Variants in DNAH14 observed in about 807,000 individuals in gnomAD.
DNAH14 encodes dynein axonemal heavy chain 14.
In DNAH14, 478 loss-of-function variants were observed where a neutral mutation model predicts 520.9. That is an observed-to-expected ratio of 0.92 (90% confidence interval 0.85 to 0.99). DNAH14 has a LOEUF of 0.99. DNAH14 is among the 50% of genes least tolerant of loss of function. The pLI, the probability that DNAH14 is intolerant of heterozygous loss-of-function variation, is 0.00. For missense variants in DNAH14, 4,831 were observed against 5,234.5 expected (o/e 0.92, Z 2.38); for synonymous variants, 1,581 against 1,757.2 (o/e 0.90, Z 2.51).
At chr1:225,043,668 A>G in intron 13 of DNAH14, 76 bp from the exon 14 acceptor site, 2 of 1,071,074 alleles carry the variant, frequency 1.9e-6, no homozygotes, top group Non-Finnish European at 2.7e-6. Context: ...GCACTGGCAT[A>G]TATTAATTTG....
At chr1:225,310,498 T>C (rs556973708) in intron 60 of DNAH14, among the ~76,000 whole-genome samples, 34 of 152,216 alleles carry the variant, frequency 2.2e-4, no homozygotes, top group Non-Finnish European at 4.0e-4. Flanking sequence ...GTGCAGAATG[T>C]GCAAGTTTGT....
chr1:225,332,743 C>T (rs7531480), intron 65 of DNAH14, among the ~76,000 whole-genome samples: 16,826 of 151,124 alleles, frequency 0.11, 1,115 homozygotes, highest in East Asian at 0.26. Flanking sequence ...GTCTGTAATC[C>T]CAGCTCTTTG....
chr1:225,385,318 C>T (rs1333123254), intron 81 of DNAH14, among the ~76,000 whole-genome samples: 2 of 152,170 alleles, frequency 1.3e-5, no homozygotes, highest in Non-Finnish European at 2.9e-5. Flanking sequence ...AAAACTGGCA[C>T]AAGACAGGGA....
intron 17 of DNAH14, among the ~76,000 whole-genome samples, chr1:225,078,837 TCTCTCC>T (rs1374297544): frequency 7.0e-5 from 6 of 86,046 alleles, no homozygotes; most frequent in South Asian, 4.5e-4. Context: ...TCTCTCTCTC[TCTCTCC>T]CTCTCTCTCT....
At chr1:224,982,164 A>G (rs2062320997) in intron 8 of DNAH14, among the ~76,000 whole-genome samples, 1 of 152,196 alleles carries the variant, frequency 6.6e-6, no homozygotes, top group Admixed American at 6.5e-5. Flanking sequence ...CATTCCTAGA[A>G]CTACTCTCTT....
intron 11 of DNAH14, among the ~76,000 whole-genome samples, chr1:225,025,564 T>A (rs900290670): frequency 1.3e-5 from 2 of 150,788 alleles, no homozygotes; most frequent in African/African-American, 4.9e-5. Flanking sequence ...AAACCCCATC[T>A]CTACAAAAAC....
intron 74 of DNAH14, among the ~76,000 whole-genome samples, chr1:225,360,049 C>G (rs1319924905): frequency 6.6e-6 from 1 of 152,196 alleles, no homozygotes; most frequent in East Asian, 1.9e-4. Context: ...CCACGTTTGT[C>G]CATGTGTTCT....
intron 23 of DNAH14, 75 bp downstream of exon 23, chr1:225,100,959 G>T (rs1226426151): frequency 3.0e-5 from 36 of 1,213,290 alleles, no homozygotes; most frequent in Admixed American, 7.1e-5. Context: ...GTAATCTACT[G>T]CAGAAGCTAA....
chr1:225,008,842 G>T (rs759907708), intron 10 of DNAH14, among the ~76,000 whole-genome samples: 2 of 151,610 alleles, frequency 1.3e-5, no homozygotes, highest in African/African-American at 2.4e-5. Flanking sequence ...TCATATGTTT[G>T]TTGGCCACAT....
rs538962474 is a variant in DNAH14, at chr1:225,308,370, T to C, written c.9200T>C (p.Ile3067Thr). Residue 3067 changes from isoleucine (I) to threonine (T), a missense_variant, in exon 60 of 86, where the codon ATT becomes ACT. By Grantham distance (89) the Ile-to-Thr change is moderately conservative. Transcript: ENST00000682510. The stretch of plus-strand genomic sequence containing the variant: ...ATGCTTGTTAAACAGGATGAAGAAA[T>C]TGTGGCAGAAGAAGTAAGAATTGTG... ...VQMLVKQDEE[I>T]VAEEVRIVED... 14 of 1,541,970 alleles carry C rather than the reference T, an allele frequency of 9.1e-6. No individual in the cohort carries two copies. The highest frequency in any genetic ancestry group is 3.4e-4 in the Middle Eastern group (2 of 5,964).
At chr1:225,116,021 GT>G (rs1470415904) in intron 23 of DNAH14, among the ~76,000 whole-genome samples, 2 of 152,194 alleles carry the variant, frequency 1.3e-5, no homozygotes, top group African/African-American at 4.8e-5. Flanking sequence ...AAATGTAGGT[GT>G]TAAATAGATA....
chr1:225,030,904 T>C (rs1406103526), intron 11 of DNAH14, among the ~76,000 whole-genome samples: 1 of 152,026 alleles, frequency 6.6e-6, no homozygotes, highest in Non-Finnish European at 1.5e-5. Flanking sequence ...CTAGCAGATT[T>C]ATTCAAAAGG....
rs768741235 is a variant in DNAH14, at chr1:225,051,081, G to T, written c.2080-370G>T. ...TGTGGCATAGTTCCTAACAGGCCGT[G>T]GACTGGCACTGCTCTCTGGCCTGGG... is the stretch of plus-strand genomic sequence containing the variant. On this transcript the variant is annotated intron_variant, in intron 16 of 85. Transcript: ENST00000682510. Among the ~76,000 whole-genome samples the T allele has an allele frequency of 2.0e-5, 3 of 152,152 alleles. No individual in the cohort carries two copies. In the South Asian group the frequency reaches 6.2e-4, roughly 32 times the overall value.
chr1:225,200,930 G>A (rs778076039), intron 38 of DNAH14, among the ~76,000 whole-genome samples: 134 of 151,928 alleles, frequency 8.8e-4, no homozygotes, highest in Non-Finnish European at 1.6e-3. Flanking sequence ...AGTTTTCCTC[G>A]ATTATTCCCC....
intron 54 of DNAH14, among the ~76,000 whole-genome samples, chr1:225,285,939 G>C: frequency 6.6e-6 from 1 of 152,188 alleles, no homozygotes; most frequent in East Asian, 1.9e-4. Flanking sequence ...TCCTCTATCT[G>C]TTCTTCTGTT....
At chr1:225,274,048 A>C (rs2093388510) in intron 52 of DNAH14, among the ~76,000 whole-genome samples, 1 of 152,100 alleles carries the variant, frequency 6.6e-6, no homozygotes, top group Non-Finnish European at 1.5e-5. Context: ...ATATATACCC[A>C]CTAATGGGAT....
intron 17 of DNAH14, among the ~76,000 whole-genome samples, chr1:225,073,132 A>G (rs1042208308): frequency 3.9e-5 from 6 of 152,168 alleles, no homozygotes; most frequent in African/African-American, 1.4e-4. Flanking sequence ...CAGTGGTGGT[A>G]GCCAGAGACC....
chr1:224,999,612 A>AT lies in DNAH14; in HGVS notation c.831-3163dup, dbSNP rs199934038. On this transcript the variant is annotated intron_variant, in intron 8 of 85. Transcript: ENST00000682510. Reference sequence around the variant, plus strand: ...TTATATGGGCTTTAAGTTGTAAGCCATTTTTTTTATTCTGTTCGTTCTCTC... The same window carrying AT: ...TTATATGGGCTTTAAGTTGTAAGCCATTTTTTTTTATTCTGTTCGTTCTCTC... Among the ~76,000 whole-genome samples the AT allele has an allele frequency of 2.1e-3, 323 of 151,898 alleles. 7 individuals carry two copies. Among genetic ancestry groups the AT allele is most frequent in the East Asian group, 0.019 (97 of 5,168 alleles).
intron 1 of DNAH14, among the ~76,000 whole-genome samples, chr1:224,934,536 T>C (rs2501077): frequency 0.096 from 14,572 of 151,882 alleles, 2,256 homozygotes; most frequent in African/African-American, 0.33. Flanking sequence ...TCATGACATT[T>C]GGGACAATAA....
Sources: allele counts gnomAD v4.1 joint callset (sites outside exome capture counted in the v4.1 genomes callset), GRCh38; gene constraint gnomAD v4.1.1; transcripts MANE v1.5; gene names NCBI Gene and HGNC (gene_info 2026-07-23, HGNC 2026-07-21).